Variants in AP3B1 observed in about 807,000 individuals in gnomAD.
The protein encoded by AP3B1 is adaptor related protein complex 3 subunit beta 1, also known as AP-3 complex subunit beta-1.
AP3B1 carries 61 observed loss-of-function variants against 132.5 expected under a neutral mutation model. The ratio of observed to expected loss-of-function variants is 0.46; its 90% CI spans 0.37 to 0.57. The LOEUF (loss-of-function observed/expected upper bound fraction) is 0.57, where lower values mean the gene tolerates loss of function less well. Among genes scored for constraint, AP3B1 ranks in the 20% least tolerant of loss-of-function variants. AP3B1 has a pLI of 0.00. For missense variants in AP3B1, 1,120 were observed against 1,289.4 expected, an observed-to-expected ratio of 0.87 and a Z score of 2.01; for synonymous variants, 388 against 438.3, an observed-to-expected ratio of 0.89 and a Z score of 1.43.
intron 7 of AP3B1, among the ~76,000 whole-genome samples, chr5:78,198,187 G>T (rs1471753048): frequency 6.6e-6 from 1 of 152,158 alleles, no homozygotes; most frequent in Non-Finnish European, 1.5e-5. Flanking sequence ...AAGGGTGCTA[G>T]TGCCATCTCA....
At chr5:78,261,589 T>G (rs986649389) in intron 2 of AP3B1, among the ~76,000 whole-genome samples, 2 of 151,918 alleles carry the variant, frequency 1.3e-5, no homozygotes, top group African/African-American at 4.8e-5. Flanking sequence ...CCTCAGTCTC[T>G]CAAGTAGCTG....
rs528012705 is a variant in AP3B1, at chr5:78,058,520, A to C, written c.2578-19246T>G. ...ATCTCAAAAAAAAAAATGTTATTATAATTCTGATTCTAAAGTAAAGTAAGT... is the reference window on the plus strand; with the variant it reads ...ATCTCAAAAAAAAAAATGTTATTATCATTCTGATTCTAAAGTAAAGTAAGT... On this transcript the variant is annotated intron_variant, in intron 22 of 26. Transcript: ENST00000255194. 3.3e-5 allele frequency among the ~76,000 whole-genome samples: 5 copies of C among 152,182 alleles called. No individual in the cohort carries two copies. The East Asian group carries it at 9.7e-4, about 29-fold the overall frequency.
chr5:78,171,050 G>C (rs190973110), intron 11 of AP3B1, among the ~76,000 whole-genome samples: 54 of 152,246 alleles, frequency 3.5e-4, no homozygotes, highest in Non-Finnish European at 6.3e-4. Context: ...TTGTAGATAT[G>C]TGGTGTTATT....
intron 19 of AP3B1, among the ~76,000 whole-genome samples, chr5:78,112,792 C>T (rs1751653751): frequency 6.6e-6 from 1 of 152,078 alleles, no homozygotes; most frequent in African/African-American, 2.4e-5. Context: ...TTATTGTTTA[C>T]CTTACTGCTT....
At chr5:78,201,565 A>G (rs1375012346) in intron 7 of AP3B1, among the ~76,000 whole-genome samples, 2 of 152,244 alleles carry the variant, frequency 1.3e-5, no homozygotes, top group Non-Finnish European at 2.9e-5. Flanking sequence ...ATGTACCAAA[A>G]AGAATACAAT....
intron 5 of AP3B1, among the ~76,000 whole-genome samples, chr5:78,226,106 G>A (rs1373884862): frequency 5.9e-5 from 9 of 151,996 alleles, no homozygotes; most frequent in Admixed American, 5.9e-4. Context: ...GTAGTAATAA[G>A]CTTAAAACAT....
intron 1 of AP3B1, among the ~76,000 whole-genome samples, chr5:78,292,931 T>A (rs1749594327): frequency 6.6e-6 from 1 of 152,106 alleles, no homozygotes; most frequent in African/African-American, 2.4e-5. Context: ...CACGTTTGAG[T>A]GCTGTGGCGC....
chr5:78,266,918 T>G (rs1748346827), intron 2 of AP3B1, among the ~76,000 whole-genome samples: 1 of 152,092 alleles, frequency 6.6e-6, no homozygotes, highest in African/African-American at 2.4e-5. Flanking sequence ...AAAATTAAAA[T>G]TAAAACATTA....
chr5:78,170,577 A>G (rs1256718012), intron 11 of AP3B1, among the ~76,000 whole-genome samples: 13 of 152,126 alleles, frequency 8.5e-5, no homozygotes. Context: ...GTCTGTTCAT[A>G]TACTTTGCCC....
chr5:78,205,860 A>T lies in AP3B1; in HGVS notation c.786+10195T>A, dbSNP rs528041033. ...AAAGGGGATTTATTTTGTCTAAAAA[A>T]ATTTTTTTTTTTCAGAATATAGCTC... On this transcript the variant is annotated intron_variant, in intron 7 of 26. Coordinates refer to ENST00000255194, the MANE Select transcript of AP3B1 (RefSeq NM_003664.5). Among the ~76,000 whole-genome samples the T allele has an allele frequency of 4.8e-3, 505 of 105,544 alleles. 2 individuals are homozygous for T. The highest frequency in any genetic ancestry group is 0.017 in the African/African-American group (482 of 27,972). 69.2% of individuals were successfully genotyped at this position (105,544 alleles called of 152,430 possible). A position where few individuals can be genotyped will look rare whatever the true frequency, so the allele number is the denominator to read the frequency against.
chr5:78,006,323 A>T (rs1382100764), intron 26 of AP3B1, among the ~76,000 whole-genome samples: 2 of 152,148 alleles, frequency 1.3e-5, no homozygotes, highest in African/African-American at 2.4e-5. Flanking sequence ...CACCCATAAT[A>T]ATTTGTTTTT....
chr5:78,215,952 T>G, intron 7 of AP3B1, 103 bp downstream of exon 7: 1 of 1,042,864 alleles, frequency 9.6e-7, no homozygotes, highest in South Asian at 1.3e-5. Context: ...TCCTTAAATA[T>G]GCAGATTTCT....
intron 19 of AP3B1, 48 bp from the exon 20 acceptor site, chr5:78,110,402 T>A: frequency 7.1e-7 from 1 of 1,412,982 alleles, no homozygotes; most frequent in Non-Finnish European, 9.8e-7. Context: ...CTCCTTTATA[T>A]AAGCAGTTTA....
intron 14 of AP3B1, among the ~76,000 whole-genome samples, chr5:78,143,134 CTA>C (rs1753224888): frequency 1.3e-5 from 2 of 152,046 alleles, no homozygotes; most frequent in South Asian, 2.1e-4. Context: ...AATCAGAATT[CTA>C]TGACATACCA....
At chr5:78,154,582 T>C (rs1013274072) in intron 14 of AP3B1, among the ~76,000 whole-genome samples, 1 of 152,180 alleles carries the variant, frequency 6.6e-6, no homozygotes, top group South Asian at 2.1e-4. Context: ...CAATATCTCT[T>C]AGATTTGCCC....
chr5:78,061,923 A>C (rs1749078497), intron 22 of AP3B1, among the ~76,000 whole-genome samples: 1 of 152,184 alleles, frequency 6.6e-6, no homozygotes, highest in Non-Finnish European at 1.5e-5. Flanking sequence ...AGAAAGGCAA[A>C]GTGATTGATG....
chr5:78,266,775 T>C (rs1748340266), intron 2 of AP3B1, among the ~76,000 whole-genome samples: 1 of 152,174 alleles, frequency 6.6e-6, no homozygotes, highest in South Asian at 2.1e-4. Flanking sequence ...GAGCATCAGA[T>C]AGTCAGTGGA....
At chr5:78,228,044 A>G (rs186428913) in intron 4 of AP3B1, 100 bp downstream of exon 4, 3 of 746,634 alleles carry the variant, frequency 4.0e-6, no homozygotes, top group South Asian at 4.1e-5. Context: ...TCAAGACACT[A>G]CTGTGCTATT....
chr5:78,134,134 C>G (rs1204200448), intron 15 of AP3B1, among the ~76,000 whole-genome samples: 3 of 122,676 alleles, frequency 2.4e-5, no homozygotes, highest in African/African-American at 3.3e-5. Context: ...CCGGGCGACA[C>G]AGCAAGACTC....
Sources: allele counts gnomAD v4.1 joint callset (sites outside exome capture counted in the v4.1 genomes callset), GRCh38; gene constraint gnomAD v4.1.1; transcripts MANE v1.5; gene names NCBI Gene and HGNC (gene_info 2026-07-23, HGNC 2026-07-21).